Variants in CCDC91 observed in about 807,000 individuals in gnomAD.
The protein encoded by CCDC91 is coiled-coil domain containing 91.
A neutral mutation model predicts 63.2 loss-of-function variants in CCDC91; 48 were observed. The observed-to-expected ratio is 0.76, with a 90% CI of 0.60 to 0.97. The LOEUF (loss-of-function observed/expected upper bound fraction) is 0.97. Among genes scored for constraint, CCDC91 ranks in the 50% least tolerant of loss-of-function variants. The pLI is 0.00. For missense variants in CCDC91, 500 were observed against 494.6 expected, an observed-to-expected ratio of 1.01 and a Z score of -0.10; for synonymous variants, 167 against 165.8, an observed-to-expected ratio of 1.01 and a Z score of -0.06.
At chr12:28,218,725 GTGTGTA>G (rs1943733889) in intron 1 of CCDC91, among the ~76,000 whole-genome samples, 1 of 151,496 alleles carries the variant, frequency 6.6e-6, no homozygotes, top group African/African-American at 2.4e-5. Flanking sequence ...GTGTGTGTGT[GTGTGTA>G]TGTATGTATG....
intron 8 of CCDC91, among the ~76,000 whole-genome samples, chr12:28,426,154 G>A (rs1948304412): frequency 6.6e-6 from 1 of 151,970 alleles, no homozygotes; most frequent in African/African-American, 2.4e-5. Flanking sequence ...TGCTTACATG[G>A]TTTCTAAAGA....
chr12:28,401,353 A>C (rs925189746), intron 8 of CCDC91, among the ~76,000 whole-genome samples: 2 of 152,142 alleles, frequency 1.3e-5, no homozygotes, highest in Non-Finnish European at 2.9e-5. Flanking sequence ...CATCAGTTCT[A>C]ATGAGAACTC....
At chr12:28,404,370 G>T (rs1412940231) in intron 8 of CCDC91, among the ~76,000 whole-genome samples, 1 of 151,918 alleles carries the variant, frequency 6.6e-6, no homozygotes, top group South Asian at 2.1e-4. Context: ...CACATTTTGT[G>T]ATTTCTACTC....
At chr12:28,509,247 A>T (rs1231451340) in intron 12 of CCDC91, among the ~76,000 whole-genome samples, 1 of 151,884 alleles carries the variant, frequency 6.6e-6, no homozygotes, top group Non-Finnish European at 1.5e-5. Flanking sequence ...GCACTCTCTC[A>T]TACGTAGTCT....
At chr12:28,520,591 C>A (rs1373833278) in intron 12 of CCDC91, among the ~76,000 whole-genome samples, 1 of 152,118 alleles carries the variant, frequency 6.6e-6, no homozygotes, top group East Asian at 1.9e-4. Context: ...TCCCATTTGT[C>A]AATTTTGGCT....
chr12:28,324,524 C>T (rs2137503468), intron 6 of CCDC91, among the ~76,000 whole-genome samples: 1 of 152,008 alleles, frequency 6.6e-6, no homozygotes, highest in South Asian at 2.1e-4. Context: ...TTTTACTTTT[C>T]TCGAATCCAA....
At chr12:28,238,116 A>G (rs1278446725) in intron 1 of CCDC91, among the ~76,000 whole-genome samples, 1 of 152,208 alleles carries the variant, frequency 6.6e-6, no homozygotes, top group African/African-American at 2.4e-5. Context: ...TATGAAACTT[A>G]ACACATGAAT....
At chr12:28,256,696 C>T (rs908289353) in intron 1 of CCDC91, 6 of 152,884 alleles carry the variant, frequency 3.9e-5, no homozygotes, top group African/African-American at 1.4e-4. Context: ...TAAAAATACA[C>T]ATATCAAAAT....
intron 3 of CCDC91, among the ~76,000 whole-genome samples, chr12:28,264,585 C>CTGTATGTGTGTGTGTATG (rs1555169638): frequency 2.2e-5 from 3 of 137,258 alleles, no homozygotes; most frequent in Admixed American, 7.5e-5. Flanking sequence ...ATATGTCTGT[C>CTGTATGTGTGTGTGTATG]TGTGTGTGTG....
At chr12:28,428,595 A>G (rs1218577658) in intron 8 of CCDC91, among the ~76,000 whole-genome samples, 9 of 150,932 alleles carry the variant, frequency 6.0e-5, no homozygotes, top group Middle Eastern at 3.4e-3. Flanking sequence ...AAAAAAAAAA[A>G]AAAGAAAGAA....
rs1949512269 is a variant in CCDC91, at chr12:28,446,602, A to G, written c.763-3559A>G. 2.0e-5 allele frequency among the ~76,000 whole-genome samples: 3 copies of G among 152,136 alleles called. No individual in the cohort carries two copies. The South Asian group carries it at 6.2e-4, about 32-fold the overall frequency. ...CTTAGCCTCCCAAGTAGCTGGGACT[A>G]CAGGCTCATGCCACTATGCCCAACT... On this transcript the variant is annotated intron_variant, in intron 8 of 12. Transcript: ENST00000536442.
intron 12 of CCDC91, among the ~76,000 whole-genome samples, chr12:28,508,096 A>G (rs1298604382): frequency 6.6e-6 from 1 of 151,864 alleles, no homozygotes; most frequent in African/African-American, 2.4e-5. Context: ...GCAGCTGGAG[A>G]AATTAGTACA....
intron 6 of CCDC91, among the ~76,000 whole-genome samples, chr12:28,330,234 A>G (rs1478198937): frequency 6.6e-6 from 1 of 152,140 alleles, no homozygotes; most frequent in Non-Finnish European, 1.5e-5. Flanking sequence ...TCCCATCAGC[A>G]GTGTAAAAGT....
At chr12:28,339,151 A>G (rs1012281538) in intron 6 of CCDC91, among the ~76,000 whole-genome samples, 3 of 152,154 alleles carry the variant, frequency 2.0e-5, no homozygotes, top group African/African-American at 7.2e-5. Context: ...GGATTCTGGT[A>G]TATATTTCAA....
intron 6 of CCDC91, among the ~76,000 whole-genome samples, chr12:28,322,743 A>G (rs1423582880): frequency 2.6e-5 from 4 of 151,786 alleles, no homozygotes; most frequent in African/African-American, 4.8e-5. Context: ...TACTTTATGG[A>G]TAACTTCTAG....
At chr12:28,466,514 G>A (rs1592752704) in intron 11 of CCDC91, among the ~76,000 whole-genome samples, 2 of 152,254 alleles carry the variant, frequency 1.3e-5, no homozygotes, top group Admixed American at 1.3e-4. Context: ...ATGTCTGGCA[G>A]CAGATTTTTC....
chr12:28,344,243 A>G (rs540690804), intron 6 of CCDC91, among the ~76,000 whole-genome samples: 2 of 152,222 alleles, frequency 1.3e-5, no homozygotes, highest in African/African-American at 4.8e-5. Flanking sequence ...CATACTAATC[A>G]TTGCTTGACT....
intron 5 of CCDC91, 65 bp downstream of exon 5, chr12:28,307,010 A>G (rs1485175064): frequency 2.7e-6 from 3 of 1,097,020 alleles, no homozygotes; most frequent in Admixed American, 2.2e-5. Context: ...ATAATCTCAA[A>G]CTCTGATTAA....
At chr12:28,269,463 C>CT (rs1323378813) in intron 3 of CCDC91, among the ~76,000 whole-genome samples, 1 of 152,128 alleles carries the variant, frequency 6.6e-6, no homozygotes, top group Non-Finnish European at 1.5e-5. Flanking sequence ...TGGTCACTAT[C>CT]TCAGTCAAAA....
Sources: gnomAD v4.1 joint callset for allele counts (sites outside exome capture counted in the v4.1 genomes callset) on GRCh38, gnomAD v4.1.1 for gene constraint, MANE v1.5 for transcripts, NCBI Gene and HGNC (gene_info 2026-07-23, HGNC 2026-07-21) for gene names.